The following NOS1 variants were observed in gnomAD, a reference collection of about 807,000 sequenced individuals.
The protein encoded by NOS1 is NOS type I.
In NOS1, 51 loss-of-function variants were observed where a neutral mutation model predicts 164.5. That is an observed-to-expected ratio of 0.31 (90% CI 0.25 to 0.39). The LOEUF is 0.39. Ranked by LOEUF, NOS1 falls within the 10% of genes least tolerant of loss-of-function variation. NOS1 has a pLI of 1.00. For missense variants in NOS1, 1,362 were observed against 1,885.6 expected (o/e 0.72, Z 5.14); for synonymous variants, 719 against 745.8 (o/e 0.96, Z 0.59).
intron 3 of NOS1, among the ~76,000 whole-genome samples, chr12:117,297,393 T>C (rs1466056400): frequency 6.6e-6 from 1 of 152,068 alleles, no homozygotes; most frequent in Non-Finnish European, 1.5e-5. Flanking sequence ...AGTGGAAGGA[T>C]GGTGGGCTTT....
intron 3 of NOS1, chr12:117,309,502 G>A (rs966834841): frequency 2.1e-6 from 1 of 477,264 alleles, no homozygotes; most frequent in Non-Finnish European, 2.7e-6. Flanking sequence ...AAATGAAGCC[G>A]GTCATCACTT....
intron 12 of NOS1, among the ~76,000 whole-genome samples, chr12:117,264,481 CCTTT>C (rs1357572559): frequency 3.4e-5 from 5 of 148,108 alleles, no homozygotes; most frequent in Admixed American, 2.0e-4. Flanking sequence ...TTCTTTCTTT[CCTTT>C]CTTTCTCTTT....
At chr12:117,339,715 G>A (rs9658267) in intron 1 of NOS1, among the ~76,000 whole-genome samples, 15,690 of 152,218 alleles carry the variant, frequency 0.1, 1,009 homozygotes, top group Admixed American at 0.18. Context: ...CAGGAGATTA[G>A]AGCTAAAAAG....
At chr12:117,299,994 A>G (rs552275) in intron 3 of NOS1, among the ~76,000 whole-genome samples, 129,739 of 151,946 alleles carry the variant, frequency 0.85, 55,754 homozygotes, top group African/African-American at 0.95. Context: ...ATACCGCATC[A>G]TACTGTGTTT....
At position 117,209,638 on chromosome 12, in the gene NOS1, C is replaced by T. The variant is rs1329428335; in HGVS notation, c.*5671G>A. 1.0e-6 allele frequency: 1 copy of T among 985,370 alleles called. No homozygotes were observed. Among genetic ancestry groups the T allele is most frequent in the Non-Finnish European group, 1.2e-6 (1 of 829,958 alleles). The allele number at this position is 985,370 out of a possible 1,614,324, so 61.0% of individuals were successfully genotyped here. On this transcript the variant is annotated 3_prime_UTR_variant, in exon 29 of 29. Coordinates refer to ENST00000317775, the MANE Select transcript of NOS1 (RefSeq NM_000620.5). ...ACAAACTCATATAAACATACTAAGG[C>T]ATATTGACAGCTGACCACCTCCCTC...
chr12:117,212,281 C>T lies in NOS1; in HGVS notation c.*3028G>A. 1.0e-6 allele frequency: 1 copy of T among 985,362 alleles called. No homozygotes were observed. The highest frequency in any genetic ancestry group is 1.1e-4 in the East Asian group (1 of 8,822). The allele number at this position is 985,362 out of a possible 1,614,324, so 61.0% of individuals were successfully genotyped here. A position where few individuals can be genotyped will look rare whatever the true frequency, so the allele number is the denominator to read the frequency against. Reference sequence around the variant, plus strand: ...CTTGTTATACAGGTGGGTATGCAGACTCTAAAAGGTCAAGTGAGCCGCCCA... The same window carrying T: ...CTTGTTATACAGGTGGGTATGCAGATTCTAAAAGGTCAAGTGAGCCGCCCA... On this transcript the variant is annotated 3_prime_UTR_variant, in exon 29 of 29. Transcript: ENST00000317775.
At chr12:117,341,291 A>T (rs1876101123) in intron 1 of NOS1, among the ~76,000 whole-genome samples, 1 of 152,074 alleles carries the variant, frequency 6.6e-6, no homozygotes, top group African/African-American at 2.4e-5. Flanking sequence ...CAAAAGCAGG[A>T]TTCAGTTTGT....
At chr12:117,267,553 C>G (rs1444638808) in intron 11 of NOS1, among the ~76,000 whole-genome samples, 1 of 150,264 alleles carries the variant, frequency 6.7e-6, no homozygotes, top group East Asian at 2.0e-4. Context: ...TGCCACTGCA[C>G]TCTAGTCTGG....
chr12:117,248,567 G>T (rs1276663144), intron 17 of NOS1, among the ~76,000 whole-genome samples: 1 of 151,106 alleles, frequency 6.6e-6, no homozygotes, highest in Admixed American at 6.6e-5. Context: ...TGGTGTATAT[G>T]TGCCACATTT....
Position 117,210,751 on chromosome 12 carries a change from G to T in NOS1, c.*4558C>A, listed in dbSNP as rs1367576500. The T allele has an allele frequency of 7.1e-6, 7 of 985,234 alleles. No homozygotes were observed. The highest frequency in any genetic ancestry group is 1.2e-4 in the Admixed American group (2 of 16,244). 61.0% of individuals were successfully genotyped at this position (985,234 alleles called of 1,614,324 possible). A position where few individuals can be genotyped will look rare whatever the true frequency, so the allele number is the denominator to read the frequency against. ...CTGCTGAAAGCGTGTTTGGTCAGAAGATTCTGTGTTCTTAGCCAATGTCTA... is the reference window on the plus strand; with the variant it reads ...CTGCTGAAAGCGTGTTTGGTCAGAATATTCTGTGTTCTTAGCCAATGTCTA... On this transcript the variant is annotated 3_prime_UTR_variant, in exon 29 of 29. Transcript: ENST00000317775.
intron 1 of NOS1, among the ~76,000 whole-genome samples, chr12:117,341,352 T>C (rs551182642): frequency 3.9e-5 from 6 of 152,256 alleles, no homozygotes; most frequent in African/African-American, 1.2e-4. Context: ...GCCCCAGAAC[T>C]TGGTGGTGAG....
intron 23 of NOS1, among the ~76,000 whole-genome samples, 163 bp from the exon 24 acceptor site, chr12:117,226,933 G>T (rs1336355353): frequency 6.6e-6 from 1 of 152,180 alleles, no homozygotes; most frequent in Admixed American, 6.5e-5. Context: ...TGGTATAGCT[G>T]GGGTGACTTC....
rs376952308 is a variant in NOS1 at position 117,304,088 on chromosome 12, C to T, written c.852+7378G>A. 2.3e-4 allele frequency among the ~76,000 whole-genome samples: 35 copies of T among 152,112 alleles called. 1 individual carries two copies. The East Asian group carries it at 6.2e-3, about 27-fold the overall frequency. ...TGGGGAGGCTGAGGCAGGAGAATGG[C>T]GTGAACCTGGGAGGTGGAGCTTGCA... On this transcript the variant is annotated intron_variant, in intron 3 of 28. Transcript: ENST00000317775.
At chr12:117,352,077 G>T (rs993451330) in intron 1 of NOS1, among the ~76,000 whole-genome samples, 7 of 152,294 alleles carry the variant, frequency 4.6e-5, no homozygotes, top group Admixed American at 2.6e-4. Flanking sequence ...GGAGGCTGAG[G>T]TGGGAGGATC....
rs762664885 is a variant in NOS1 at position 117,278,039 on chromosome 12, C to A, written c.1584G>T (p.Leu528=). ...CAGGGTCATTGCCGTTGGCCTGAAGCAGGAGCGGCAGGACATCGAAGCGGC... is the reference window on the plus strand; with the variant it reads ...CAGGGTCATTGCCGTTGGCCTGAAGAAGGAGCGGCAGGACATCGAAGCGGC... The part of the protein sequence containing the change: ...PRGRFDVLPL[L]LQANGNDPEL... The change falls in exon 9 of 29, where the codon CTG becomes CTT. Residue 528 remains leucine (L), a synonymous_variant. Transcript: ENST00000317775. 2 of 1,614,096 alleles carry A rather than the reference C, an allele frequency of 1.2e-6. No individual in the cohort carries two copies. Among genetic ancestry groups the A allele is most frequent in the South Asian group, 2.2e-5 (2 of 91,076 alleles).
In NOS1 at chr12:117,279,374, C is replaced by CA. The variant is rs113921998; in HGVS notation, c.1525-1277dup. ...CAGAGTGAGACTCCATCTCAAAAAA[C>CA]AAAAAAAAAACCAAAAAAAACAAAC... On this transcript the variant is annotated intron_variant, in intron 8 of 28. Coordinates refer to ENST00000317775, the MANE Select transcript of NOS1 (RefSeq NM_000620.5). Among the ~76,000 whole-genome samples the CA allele has an allele frequency of 6.1e-3, 912 of 148,630 alleles. 7 individuals carry two copies. The highest frequency in any genetic ancestry group is 0.014 in the South Asian group (64 of 4,668).
intron 1 of NOS1, among the ~76,000 whole-genome samples, chr12:117,341,040 CTA>C (rs999129004): frequency 2.6e-4 from 39 of 152,094 alleles, no homozygotes; most frequent in African/African-American, 8.9e-4. Flanking sequence ...TTAACGTTTT[CTA>C]TGTTATTACA....
chr12:117,217,983 G>A (rs1170475259), intron 28 of NOS1, 63 bp downstream of exon 28: 2 of 1,186,014 alleles, frequency 1.7e-6, no homozygotes, highest in Non-Finnish European at 2.5e-6. Context: ...AGACATTCCT[G>A]CCCAGTGGGA....
chr12:117,287,132 T>G (rs1231498278), intron 5 of NOS1, among the ~76,000 whole-genome samples: 2 of 152,038 alleles, frequency 1.3e-5, no homozygotes, highest in East Asian at 3.9e-4. Context: ...GAGAATCGCT[T>G]GAGTCTGGGA....
Sources: gnomAD v4.1 joint callset for allele counts (sites outside exome capture counted in the v4.1 genomes callset) on GRCh38, gnomAD v4.1.1 for gene constraint, MANE v1.5 for transcripts, NCBI Gene and HGNC (gene_info 2026-07-23, HGNC 2026-07-21) for gene names.